ELP1: variants seen among roughly 807,000 people sequenced by gnomAD.
ELP1 encodes the protein elongator complex protein 1.
ELP1 carries 131 observed loss-of-function variants against 183.2 expected under a neutral mutation model. The observed-to-expected ratio is 0.72, with a 90% CI of 0.62 to 0.83. The LOEUF is 0.83. ELP1 is among the 40% of genes least tolerant of loss of function. The pLI is 0.00. For missense variants in ELP1, 1,550 were observed against 1,594.9 expected (o/e 0.97, Z 0.48); for synonymous variants, 555 against 569.0 (o/e 0.98, Z 0.35).
At chr9:108,882,269 A>G in intron 29 of ELP1, 82 bp from the exon 30 acceptor site, 1 of 1,159,074 alleles carries the variant, frequency 8.6e-7, no homozygotes, top group Non-Finnish European at 1.3e-6. Flanking sequence ...CTAACCACAG[A>G]CCTGCCTCTA....
Position 108,889,322 on chromosome 9 carries a change from T to C in ELP1, c.3222+10A>G, listed in dbSNP as rs770916141. ...GACTGGGGGGTTTAGAAGGGAGGAA[T>C]TGAGTTTACCTGGGCACACTCTTCC... On this transcript the variant is annotated intron_variant, in intron 29 of 36. Coordinates refer to ENST00000374647, the MANE Select transcript of ELP1 (RefSeq NM_003640.5). 8.1e-6 allele frequency: 13 copies of C among 1,613,192 alleles called. No individual in the cohort carries two copies. Among genetic ancestry groups the C allele is most frequent in the Admixed American group, 3.3e-5 (2 of 60,016 alleles).
Position 108,874,906 on chromosome 9 carries a change from A to G in ELP1, c.3920T>C (p.Val1307Ala), listed in dbSNP as rs747419554. The G allele has an allele frequency of 6.2e-7, 1 of 1,608,728 alleles. No homozygotes were observed. The highest frequency in any genetic ancestry group is 1.3e-5 in the African/African-American group (1 of 74,974). The change falls in exon 36 of 37, where the codon GTT becomes GCT. Residue 1307 changes from valine (V) to alanine (A), a missense_variant. Coordinates refer to ENST00000374647, the MANE Select transcript of ELP1 (RefSeq NM_003640.5). ...GAAAAAATACTAACCAAGAACAGGA[A>G]CCGAAGTCTTCTGTTGCTGATAAGA... is the stretch of plus-strand genomic sequence containing the variant. ...MASYQQQKTSVPVLDAELFIP... is the reference protein window; with the variant it reads ...MASYQQQKTSAPVLDAELFIP...
At chr9:108,881,166 G>GT (rs1302281516) in intron 31 of ELP1, among the ~76,000 whole-genome samples, 2 of 152,186 alleles carry the variant, frequency 1.3e-5, no homozygotes, top group Non-Finnish European at 2.9e-5. Context: ...CATAAAAGTT[G>GT]TAAGAGTTCA....
chr9:108,895,558 A>G (rs1828508892), intron 25 of ELP1, among the ~76,000 whole-genome samples: 1 of 152,204 alleles, frequency 6.6e-6, no homozygotes, highest in African/African-American at 2.4e-5. Flanking sequence ...GACAATACCA[A>G]GAAGTGAGAA....
Position 108,917,562 on chromosome 9 carries a change from A to G in ELP1, c.849T>C (p.Leu283=). The change falls in exon 9 of 37, where the codon CTT becomes CTC. Residue 283 remains leucine (L), a synonymous_variant. Coordinates refer to ENST00000374647, the MANE Select transcript of ELP1 (RefSeq NM_003640.5). ...LLHGHFTLPF[L]KDEVKVNDLL... ...AGGCACTTACCTTAACCTCATCTTT[A>G]AGGAAGGGAAGTGTAAAGTGTCCAT... The G allele has an allele frequency of 1.2e-6, 2 of 1,613,952 alleles. No homozygotes were observed. The highest frequency in any genetic ancestry group is 1.7e-6 in the Non-Finnish European group (2 of 1,179,936).
chr9:108,878,269 A>T, intron 34 of ELP1, 120 bp from the exon 35 acceptor site: 1 of 826,928 alleles, frequency 1.2e-6, no homozygotes. Flanking sequence ...CCTTTCTCCC[A>T]CATTATCTTT....
chr9:108,902,769 T>G, intron 16 of ELP1, 70 bp downstream of exon 16: 1 of 1,162,868 alleles, frequency 8.6e-7, no homozygotes, highest in South Asian at 1.2e-5. Flanking sequence ...AAGCCCACGC[T>G]CTTTCTACTT....
intron 36 of ELP1, among the ~76,000 whole-genome samples, chr9:108,874,574 T>C (rs1409458802): frequency 2.0e-5 from 3 of 152,256 alleles, no homozygotes; most frequent in Non-Finnish European, 4.4e-5. Context: ...AATCTTTTGA[T>C]GTATATGTAA....
intron 13 of ELP1, 64 bp downstream of exon 13, chr9:108,908,241 C>G (rs556749857): frequency 1.7e-6 from 2 of 1,207,760 alleles, no homozygotes; most frequent in African/African-American, 1.5e-5. Context: ...TATCAGATGG[C>G]TGAATTTAGG....
chr9:108,868,628 G>C lies in ELP1; in HGVS notation c.*487C>G, dbSNP rs1308305879. Reference sequence around the variant, plus strand: ...CAAAATAATAGCTGTCAGCAAAGGAGGGCTTATAATTTCAAAGGATACTTT... The same window carrying C: ...CAAAATAATAGCTGTCAGCAAAGGACGGCTTATAATTTCAAAGGATACTTT... On this transcript the variant is annotated 3_prime_UTR_variant, in exon 37 of 37. Coordinates refer to ENST00000374647, the MANE Select transcript of ELP1 (RefSeq NM_003640.5). 2.2e-6 allele frequency: 1 copy of C among 448,326 alleles called. No homozygotes were observed. The highest frequency in any genetic ancestry group is 2.0e-5 in the African/African-American group (1 of 49,742). 27.8% of individuals were successfully genotyped at this position (448,326 alleles called of 1,614,324 possible).
At chr9:108,883,707 T>A (rs140961311) in intron 29 of ELP1, among the ~76,000 whole-genome samples, 38 of 152,320 alleles carry the variant, frequency 2.5e-4, no homozygotes, top group African/African-American at 9.1e-4. Context: ...AGTATACGAT[T>A]ATCTGAAGAT....
At chr9:108,902,317 C>G (rs1186219494) in intron 16 of ELP1, among the ~76,000 whole-genome samples, 3 of 152,090 alleles carry the variant, frequency 2.0e-5, no homozygotes, top group Admixed American at 2.0e-4. Flanking sequence ...CTCAAATTAC[C>G]CCTCAAACAT....
At position 108,889,412 on chromosome 9, in the gene ELP1, G is replaced by A. The variant is rs1179366509; in HGVS notation, c.3161-19C>T. Reference sequence around the variant, plus strand: ...AGCTTTCCTGTAGAGACAATAAGCAGCAGTTGACTACAAAGTTAAACAGAT... The same window carrying A: ...AGCTTTCCTGTAGAGACAATAAGCAACAGTTGACTACAAAGTTAAACAGAT... On this transcript the variant is annotated intron_variant, in intron 28 of 36. Coordinates refer to ENST00000374647, the MANE Select transcript of ELP1 (RefSeq NM_003640.5). 4 of 1,611,662 alleles carry A rather than the reference G, an allele frequency of 2.5e-6. No individual in the cohort carries two copies. Among genetic ancestry groups the A allele is most frequent in the South Asian group, 1.1e-5 (1 of 91,038 alleles).
At chr9:108,901,770 G>A in intron 16 of ELP1, 89 bp from the exon 17 acceptor site, 1 of 1,222,862 alleles carries the variant, frequency 8.2e-7, no homozygotes, top group South Asian at 1.2e-5. Context: ...ACCACCCTAT[G>A]ATTTCACACC....
At chr9:108,885,832 A>G (rs1463779637) in intron 29 of ELP1, among the ~76,000 whole-genome samples, 3 of 152,208 alleles carry the variant, frequency 2.0e-5, no homozygotes. Flanking sequence ...GAGCTTGGAA[A>G]AAAAGGCTTT....
At chr9:108,875,570 A>G in intron 35 of ELP1, 1 of 299,706 alleles carries the variant, frequency 3.3e-6, no homozygotes, top group Non-Finnish European at 6.6e-6. Context: ...ATACTTCACC[A>G]ATCAAAACCA....
At position 108,915,780 on chromosome 9, in the gene ELP1, G is replaced by A. The variant is rs376148627; in HGVS notation, c.958+424C>T. On this transcript the variant is annotated intron_variant, in intron 10 of 36. Coordinates refer to ENST00000374647, the MANE Select transcript of ELP1 (RefSeq NM_003640.5). ...CGTATTTTTTTCAATGAATACAGTC[G>A]GCCCTTCATATTGTGGATTCTATAC... 1.5e-3 allele frequency among the ~76,000 whole-genome samples: 223 copies of A among 150,154 alleles called. 1 individual carries two copies. The highest frequency in any genetic ancestry group is 5.0e-3 in the African/African-American group (203 of 40,730).
intron 1 of ELP1, 87 bp from the exon 2 acceptor site, chr9:108,931,288 G>C: frequency 2.2e-6 from 2 of 892,542 alleles, no homozygotes; most frequent in Non-Finnish European, 3.5e-6. Context: ...GTGGTAGTCA[G>C]AATCAGAATA....
In ELP1 at chr9:108,879,512, G is replaced by A. The variant is rs1309333270; in HGVS notation, c.3506C>T (p.Thr1169Ile). The change falls in exon 33 of 37, where the codon ACT becomes ATT. Residue 1169 changes from threonine to isoleucine, a missense_variant. By Grantham distance (89) the Thr-to-Ile change is moderately conservative. Transcript: ENST00000374647. ...HGQESDLFSE[T>I]SSVVSGSEMS... ...CTCACTGCCACTCACGACACTGCTAGTTTCAGAGAAGAGGTCTGACTCTTG... is the reference window on the plus strand; with the variant it reads ...CTCACTGCCACTCACGACACTGCTAATTTCAGAGAAGAGGTCTGACTCTTG... 2 of 1,614,164 alleles carry A rather than the reference G, an allele frequency of 1.2e-6. No individual in the cohort carries two copies. Among genetic ancestry groups the A allele is most frequent in the East Asian group, 2.2e-5 (1 of 44,880 alleles).
Sources: allele counts gnomAD v4.1 joint callset (sites outside exome capture counted in the v4.1 genomes callset), GRCh38; gene constraint gnomAD v4.1.1; transcripts MANE v1.5; gene names NCBI Gene and HGNC (gene_info 2026-07-23, HGNC 2026-07-21).